SDK1: variants seen among roughly 807,000 people sequenced by gnomAD.
SDK1 encodes protein sidekick-1.
A neutral mutation model predicts 245.5 loss-of-function variants in SDK1; 157 were observed. That is an observed-to-expected ratio of 0.64 (90% confidence interval 0.56 to 0.73). SDK1 has a LOEUF of 0.73. SDK1 is among the 30% of genes least tolerant of loss of function. SDK1 has a pLI of 0.00. For missense variants in SDK1, 3,583 were observed against 3,002.3 expected, an observed-to-expected ratio of 1.19 and a Z score of -4.52; for synonymous variants, 1,647 against 1,278.5, an observed-to-expected ratio of 1.29 and a Z score of -6.15.
intron 1 of SDK1, among the ~76,000 whole-genome samples, chr7:3,340,748 C>T (rs1562425270): frequency 1.6e-5 from 2 of 124,712 alleles, no homozygotes; most frequent in East Asian, 2.3e-4. Flanking sequence ...GCCTGGGAAA[C>T]AGAGCAAGAC....
At chr7:4,182,633 A>AG (rs1782664346) in intron 35 of SDK1, among the ~76,000 whole-genome samples, 1 of 152,186 alleles carries the variant, frequency 6.6e-6, no homozygotes, top group South Asian at 2.1e-4. Flanking sequence ...AGGAGGGAGA[A>AG]GGAACCTATG....
At position 3,798,631 on chromosome 7, in the gene SDK1, G is replaced by A. The variant is rs1019358004; in HGVS notation, c.714-22819G>A. Among the ~76,000 whole-genome samples the A allele has an allele frequency of 7.2e-5, 11 of 152,146 alleles. No individual in the cohort carries two copies. The South Asian group carries it at 1.0e-3, about 14-fold the overall frequency. On this transcript the variant is annotated intron_variant, in intron 4 of 44. Coordinates refer to ENST00000404826, the MANE Select transcript of SDK1 (RefSeq NM_152744.4). Reference sequence around the variant, plus strand: ...GACTCATCATCTCAGGGCACTTGGCGTCAACATGACTTGTCACTGGCAGCG... The same window carrying A: ...GACTCATCATCTCAGGGCACTTGGCATCAACATGACTTGTCACTGGCAGCG...
intron 4 of SDK1, among the ~76,000 whole-genome samples, chr7:3,650,939 G>A (rs941466998): frequency 4.6e-5 from 7 of 151,014 alleles, no homozygotes; most frequent in African/African-American, 1.7e-4. Flanking sequence ...GCCATAATGT[G>A]TAGTTTATAA....
chr7:3,841,652 C>T (rs544006462), intron 5 of SDK1, among the ~76,000 whole-genome samples: 26 of 151,882 alleles, frequency 1.7e-4, no homozygotes, highest in Admixed American at 1.5e-3. Flanking sequence ...CTGCAACCTT[C>T]GCCTCCTGGG....
intron 1 of SDK1, among the ~76,000 whole-genome samples, chr7:3,539,947 A>C (rs1779006653): frequency 6.6e-6 from 1 of 152,254 alleles, no homozygotes; most frequent in African/African-American, 2.4e-5. Flanking sequence ...AGTAGGCATA[A>C]TGACATACCT....
At chr7:3,674,294 G>C (rs1783819979) in intron 4 of SDK1, among the ~76,000 whole-genome samples, 1 of 152,136 alleles carries the variant, frequency 6.6e-6, no homozygotes. Context: ...GGCGGGTGGA[G>C]TGTAGTGAGC....
At chr7:4,257,582 T>C (rs1412689363) in intron 44 of SDK1, among the ~76,000 whole-genome samples, 2 of 152,208 alleles carry the variant, frequency 1.3e-5, no homozygotes, top group African/African-American at 4.8e-5. Context: ...AACCCAGCTT[T>C]TAGCTTCAGC....
At position 3,370,504 on chromosome 7, in the gene SDK1, A is replaced by C. The variant is rs1204928562; in HGVS notation, c.298+68620A>C. 1.3e-5 allele frequency among the ~76,000 whole-genome samples: 2 copies of C among 152,222 alleles called. 1 individual carries two copies. Among genetic ancestry groups the C allele is most frequent in the African/African-American group, 4.8e-5 (2 of 41,458 alleles). On this transcript the variant is annotated intron_variant, in intron 1 of 44. Transcript: ENST00000404826. ...AACTAAAATGGTGGAAGATGATGTA[A>C]TCACTTAAAAAGGAAACAGACTGTT...
chr7:4,004,560 C>T (rs1437219981), intron 14 of SDK1, among the ~76,000 whole-genome samples: 1 of 152,154 alleles, frequency 6.6e-6, no homozygotes, highest in Non-Finnish European at 1.5e-5. Flanking sequence ...CAAAAATAGA[C>T]ACTTTCTAAG....
At chr7:3,662,711 G>A (rs768807833) in intron 4 of SDK1, among the ~76,000 whole-genome samples, 10 of 152,108 alleles carry the variant, frequency 6.6e-5, no homozygotes, top group African/African-American at 1.2e-4. Flanking sequence ...GTTTATATAC[G>A]TATATACAAA....
At chr7:4,232,392 C>CTTTTTTTTTTTTT (rs1178308855) in intron 40 of SDK1, among the ~76,000 whole-genome samples, 1 of 81,782 alleles carries the variant, frequency 1.2e-5, no homozygotes, top group African/African-American at 4.8e-5. Context: ...TTCTTTTTTT[C>CTTTTTTTTTTTTT]TTTTCTTTTC....
At chr7:4,126,803 C>T (rs571630108) in intron 25 of SDK1, among the ~76,000 whole-genome samples, 9 of 152,186 alleles carry the variant, frequency 5.9e-5, no homozygotes, top group African/African-American at 1.7e-4. Context: ...TGGATGAATG[C>T]GATTTTCTCA....
intron 1 of SDK1, among the ~76,000 whole-genome samples, chr7:3,573,199 G>C (rs1017455711): frequency 3.9e-5 from 6 of 152,120 alleles, no homozygotes; most frequent in East Asian, 1.9e-4. Flanking sequence ...CCTGGTCTCA[G>C]AGTGGAGACT....
intron 35 of SDK1, among the ~76,000 whole-genome samples, chr7:4,186,354 C>T (rs1042304606): frequency 8.5e-5 from 13 of 152,198 alleles, no homozygotes; most frequent in African/African-American, 3.1e-4. Context: ...CCGACACCCA[C>T]CCCGGCTGCT....
intron 14 of SDK1, among the ~76,000 whole-genome samples, chr7:3,990,200 C>T (rs1440775946): frequency 6.6e-6 from 1 of 152,242 alleles, no homozygotes; most frequent in African/African-American, 2.4e-5. Flanking sequence ...TATGTTATTC[C>T]GGGTCTTAGG....
In SDK1 at chr7:3,994,180, A is replaced by G. The variant is rs12701340; in HGVS notation, c.2131+6858A>G. Among the ~76,000 whole-genome samples, 936 of 152,256 alleles carry G rather than the reference A, an allele frequency of 6.1e-3. 7 individuals are homozygous for G. The highest frequency in any genetic ancestry group is 8.1e-3 in the Non-Finnish European group (551 of 68,024). ...ATGGTTCACCTTTGACCCACACACCATAAGTCCCTCATGTGTATTTCTAAC... is the reference window on the plus strand; with the variant it reads ...ATGGTTCACCTTTGACCCACACACCGTAAGTCCCTCATGTGTATTTCTAAC... On this transcript the variant is annotated intron_variant, in intron 14 of 44. Transcript: ENST00000404826.
chr7:4,217,756 T>C (rs1784917662), intron 38 of SDK1, among the ~76,000 whole-genome samples: 1 of 152,308 alleles, frequency 6.6e-6, no homozygotes, highest in East Asian at 1.9e-4. Context: ...GATTGTACCC[T>C]GAGGCTTTGT....
intron 5 of SDK1, among the ~76,000 whole-genome samples, chr7:3,832,875 C>T (rs1779944662): frequency 6.6e-6 from 1 of 152,044 alleles, no homozygotes; most frequent in Admixed American, 6.6e-5. Context: ...CTATGTTTGG[C>T]TGAGAGGGTC....
chr7:3,346,838 T>A (rs1261611769), intron 1 of SDK1, among the ~76,000 whole-genome samples: 2 of 117,826 alleles, frequency 1.7e-5, no homozygotes, highest in East Asian at 2.3e-4. Context: ...TTTTTTTTTT[T>A]TTTTTTTTTT....
Sources: allele counts gnomAD v4.1 joint callset (sites outside exome capture counted in the v4.1 genomes callset), GRCh38; gene constraint gnomAD v4.1.1; transcripts MANE v1.5; gene names NCBI Gene and HGNC (gene_info 2026-07-23, HGNC 2026-07-21).